Variants in ACTN1 observed in about 807,000 individuals in gnomAD.
ACTN1 encodes alpha-actinin-1.
A neutral mutation model predicts 119.6 loss-of-function variants in ACTN1; 30 were observed. The ratio of observed to expected loss-of-function variants is 0.25; its 90% CI spans 0.19 to 0.34. The LOEUF (loss-of-function observed/expected upper bound fraction) is 0.34. Ranked by LOEUF, ACTN1 falls within the 10% of genes least tolerant of loss-of-function variation. ACTN1 has a pLI of 1.00. For missense variants in ACTN1, 764 were observed against 1,223.4 expected, an observed-to-expected ratio of 0.62 and a Z score of 5.60; for synonymous variants, 429 against 472.6, an observed-to-expected ratio of 0.91 and a Z score of 1.20.
intron 3 of ACTN1, among the ~76,000 whole-genome samples, chr14:68,914,610 GA>G (rs1211004531): frequency 6.6e-6 from 1 of 152,006 alleles, no homozygotes; most frequent in Non-Finnish European, 1.5e-5. Context: ...ACAAAAAAAT[GA>G]AAAAATTAGC....
At chr14:68,897,575 T>C (rs1329937354) in intron 8 of ACTN1, among the ~76,000 whole-genome samples, 2 of 152,348 alleles carry the variant, frequency 1.3e-5, no homozygotes, top group East Asian at 3.9e-4. Flanking sequence ...TGATGTGCTG[T>C]GGCTCCACCA....
intron 2 of ACTN1, among the ~76,000 whole-genome samples, chr14:68,924,618 C>T (rs1263989317): frequency 1.3e-5 from 2 of 152,210 alleles, no homozygotes; most frequent in Admixed American, 1.3e-4. Flanking sequence ...GACTGACTGT[C>T]GGACAAGCCC....
intron 1 of ACTN1, among the ~76,000 whole-genome samples, chr14:68,950,300 A>G (rs1179726424): frequency 6.9e-5 from 1 of 14,472 alleles, no homozygotes; most frequent in Admixed American, 7.0e-4. Flanking sequence ...GTCTCAAAAA[A>G]AAAAAAAAAA....
At chr14:68,945,583 G>C (rs937108183) in intron 1 of ACTN1, among the ~76,000 whole-genome samples, 5 of 152,198 alleles carry the variant, frequency 3.3e-5, no homozygotes, top group African/African-American at 9.6e-5. Flanking sequence ...ATCACGAAAA[G>C]GTCCCAGCCA....
intron 6 of ACTN1, among the ~76,000 whole-genome samples, chr14:68,906,135 A>C (rs542606938): frequency 1.3e-5 from 2 of 152,316 alleles, no homozygotes; most frequent in African/African-American, 4.8e-5. Context: ...TTGCAAGAAA[A>C]GAGTTCTGAA....
intron 1 of ACTN1, chr14:68,936,813 C>A (rs2035544431): frequency 1.7e-6 from 1 of 603,866 alleles, no homozygotes; most frequent in Admixed American, 1.9e-5. Flanking sequence ...CAACGCCAAG[C>A]AATCCCAGAA....
At chr14:68,958,836 C>G (rs1023078442) in intron 1 of ACTN1, among the ~76,000 whole-genome samples, 5 of 152,212 alleles carry the variant, frequency 3.3e-5, no homozygotes, top group Non-Finnish European at 7.3e-5. Context: ...CACACTGTTT[C>G]CTTCCTGAAG....
intron 1 of ACTN1, among the ~76,000 whole-genome samples, chr14:68,959,056 C>A (rs2036441945): frequency 6.6e-6 from 1 of 152,228 alleles, no homozygotes; most frequent in South Asian, 2.1e-4. Context: ...CCCGCGATTA[C>A]TTTTGCACCA....
intron 1 of ACTN1, among the ~76,000 whole-genome samples, chr14:68,965,689 G>A (rs2036681752): frequency 6.6e-6 from 1 of 152,262 alleles, no homozygotes; most frequent in South Asian, 2.1e-4. Flanking sequence ...CCCTAAGCAG[G>A]TATTTCCAGA....
chr14:68,881,056 G>A, intron 16 of ACTN1, 67 bp from the exon 17 acceptor site: 1 of 1,515,372 alleles, frequency 6.6e-7, no homozygotes, highest in South Asian at 1.2e-5. Context: ...GGGGACTGGG[G>A]CCTCCAAAAT....
In ACTN1 at chr14:68,925,965, C is replaced by T. The variant is rs896901030; in HGVS notation, c.106-293G>A. ...CCCAGCCCTCTCTCAAAGACTCATGCCCACCCACATTTGAAAATGCCACAA... is the reference window on the plus strand; with the variant it reads ...CCCAGCCCTCTCTCAAAGACTCATGTCCACCCACATTTGAAAATGCCACAA... On this transcript the variant is annotated intron_variant, in intron 1 of 21. Transcript: ENST00000394419. This position sits in a 1 kb window ranked among gnomAD's most constrained non-coding sequence, Gnocchi z 4.3. Among the ~76,000 whole-genome samples the T allele has an allele frequency of 1.3e-5, 2 of 152,180 alleles. No homozygotes were observed. The highest frequency in any genetic ancestry group is 2.9e-5 in the Non-Finnish European group (2 of 68,030).
chr14:68,909,529 C>T lies in ACTN1; in HGVS notation c.516-133G>A. On this transcript the variant is annotated intron_variant, in intron 5 of 21. Transcript: ENST00000394419. This position sits in a 1 kb window ranked among gnomAD's most constrained non-coding sequence, Gnocchi z 4.1. Reference sequence around the variant, plus strand: ...GCTTTCTGGGGTAGGAGTTAGAAGACAGGATGGGAAGGGACATTTCTTCCT... The same window carrying T: ...GCTTTCTGGGGTAGGAGTTAGAAGATAGGATGGGAAGGGACATTTCTTCCT... 1.3e-6 allele frequency: 1 copy of T among 788,266 alleles called. No homozygotes were observed. Among genetic ancestry groups the T allele is most frequent in the Non-Finnish European group, 2.1e-6 (1 of 476,278 alleles). 48.8% of individuals were successfully genotyped at this position (788,266 alleles called of 1,614,324 possible).
intron 1 of ACTN1, among the ~76,000 whole-genome samples, chr14:68,927,010 T>G (rs1014940011): frequency 1.3e-5 from 2 of 152,166 alleles, no homozygotes; most frequent in African/African-American, 4.8e-5. Flanking sequence ...CAATCATGTC[T>G]CACTAGTAAC....
At chr14:68,913,915 T>G (rs1410981128) in intron 3 of ACTN1, among the ~76,000 whole-genome samples, 2 of 152,114 alleles carry the variant, frequency 1.3e-5, no homozygotes, top group African/African-American at 4.8e-5. Context: ...GGGGAGGTAG[T>G]ACTACTCATC....
chr14:68,955,619 C>T (rs185905195), intron 1 of ACTN1, among the ~76,000 whole-genome samples: 5 of 152,130 alleles, frequency 3.3e-5, no homozygotes, highest in Non-Finnish European at 5.9e-5. Flanking sequence ...CAGATGTTTG[C>T]GCTCGGTGGC....
chr14:68,922,097 C>T (rs1221677052), intron 2 of ACTN1, among the ~76,000 whole-genome samples: 2 of 152,140 alleles, frequency 1.3e-5, no homozygotes, highest in African/African-American at 4.8e-5. Flanking sequence ...TCTAAGGGGC[C>T]AAGGACCCCA....
intron 1 of ACTN1, among the ~76,000 whole-genome samples, chr14:68,968,245 G>A (rs1403534662): frequency 6.6e-6 from 1 of 152,236 alleles, no homozygotes; most frequent in African/African-American, 2.4e-5. Context: ...GCGGGGTGCA[G>A]GGTGGCAGGT....
intron 11 of ACTN1, chr14:68,888,016 C>A: frequency 1.3e-6 from 1 of 744,464 alleles, no homozygotes; most frequent in South Asian, 1.3e-5. Flanking sequence ...TAACTGACAA[C>A]CGCGCCGATC....
At chr14:68,940,507 A>G (rs2035728618) in intron 1 of ACTN1, among the ~76,000 whole-genome samples, 1 of 152,034 alleles carries the variant, frequency 6.6e-6, no homozygotes, top group Admixed American at 6.5e-5. Context: ...TGGGCTAAGA[A>G]TTAAATAGCA....
Sources: gnomAD v4.1 joint callset for allele counts (sites outside exome capture counted in the v4.1 genomes callset) on GRCh38, gnomAD v4.1.1 for gene constraint, Gnocchi (gnomAD v3.1) non-coding constraint, MANE v1.5 for transcripts, NCBI Gene and HGNC (gene_info 2026-07-23, HGNC 2026-07-21) for gene names.